The following TAX1BP1 variants were observed in gnomAD, a reference collection of about 807,000 sequenced individuals.
TAX1BP1 encodes the protein Tax1 binding protein 1.
In TAX1BP1, 62 loss-of-function variants were observed where a neutral mutation model predicts 97.7. The observed-to-expected ratio is 0.63, with a 90% CI of 0.52 to 0.78. The LOEUF (loss-of-function observed/expected upper bound fraction) is 0.78. Among genes scored for constraint, TAX1BP1 ranks in the 30% least tolerant of loss-of-function variants. The pLI, the probability that TAX1BP1 is intolerant of heterozygous loss-of-function variation, is 0.00. For synonymous variants in TAX1BP1, 340 were observed against 304.2 expected (o/e 1.12, Z -1.23); for missense variants, 867 against 916.1 (o/e 0.95, Z 0.69).
intron 9 of TAX1BP1, 27 bp from the exon 10 acceptor site, chr7:27,793,039 T>C (rs1372628242): frequency 6.4e-7 from 1 of 1,568,086 alleles, no homozygotes. Context: ...TTTTTATTTT[T>C]TTCTTCAAAT....
chr7:27,787,686 C>A, intron 8 of TAX1BP1, 83 bp downstream of exon 8: 1 of 1,270,028 alleles, frequency 7.9e-7, no homozygotes, highest in East Asian at 2.6e-5. Context: ...TTTTAATTCC[C>A]CCAAGCTTTT....
In TAX1BP1 at chr7:27,816,025, C is replaced by CA. The variant is rs537307118; in HGVS notation, c.1765-315dup. Among the ~76,000 whole-genome samples, 60 of 149,798 alleles carry CA rather than the reference C, an allele frequency of 4.0e-4. No individual in the cohort carries two copies. The South Asian group carries it at 5.1e-3, about 13-fold the overall frequency. ...CCCCAGCCTGGGTGAAGCTCTGTCT[C>CA]AAAAAAAAAGACTTTTTATTCATAC... On this transcript the variant is annotated intron_variant, in intron 13 of 16. Transcript: ENST00000396319.
At chr7:27,778,985 C>T (rs923492607) in intron 5 of TAX1BP1, among the ~76,000 whole-genome samples, 1 of 152,030 alleles carries the variant, frequency 6.6e-6, no homozygotes, top group Non-Finnish European at 1.5e-5. Flanking sequence ...AGTCCATTAA[C>T]AGTCACTCCT....
intron 2 of TAX1BP1, among the ~76,000 whole-genome samples, chr7:27,753,023 G>C (rs1450422467): frequency 6.6e-6 from 1 of 151,616 alleles, no homozygotes; most frequent in African/African-American, 2.4e-5. Context: ...ATGCAGGCTG[G>C]GCACAGTGGC....
At position 27,785,154 on chromosome 7, in the gene TAX1BP1, A is replaced by C; in HGVS notation, c.613-9A>C. ...TGTTTTCTCAAAATACCTTGTTGTC[A>C]CTTCTCAGGGTCTTACTGAAGTAAC... On this transcript the variant is annotated splice_polypyrimidine_tract_variant and intron_variant, in intron 5 of 16. Transcript: ENST00000396319. 6.3e-7 allele frequency: 1 copy of C among 1,588,636 alleles called. No homozygotes were observed. Among genetic ancestry groups the C allele is most frequent in the Non-Finnish European group, 8.5e-7 (1 of 1,172,394 alleles).
intron 5 of TAX1BP1, among the ~76,000 whole-genome samples, chr7:27,774,732 C>A (rs1312518232): frequency 1.3e-5 from 2 of 151,990 alleles, no homozygotes; most frequent in Non-Finnish European, 2.9e-5. Flanking sequence ...TAGTGTTTTT[C>A]TGTGGCCTTC....
At chr7:27,778,575 A>G (rs1361713246) in intron 5 of TAX1BP1, among the ~76,000 whole-genome samples, 1 of 152,114 alleles carries the variant, frequency 6.6e-6, no homozygotes, top group Non-Finnish European at 1.5e-5. Flanking sequence ...TAAAAAACTT[A>G]TACAATTGGC....
At chr7:27,763,831 A>G (rs1788523750) in intron 3 of TAX1BP1, among the ~76,000 whole-genome samples, 1 of 152,034 alleles carries the variant, frequency 6.6e-6, no homozygotes, top group Non-Finnish European at 1.5e-5. Flanking sequence ...TCTTGATGCC[A>G]GAGCTGATTA....
chr7:27,790,126 C>T (rs1015718127), intron 8 of TAX1BP1, among the ~76,000 whole-genome samples: 12 of 151,822 alleles, frequency 7.9e-5, no homozygotes, highest in African/African-American at 1.2e-4. Flanking sequence ...TATGAATATA[C>T]GTATATTTAT....
chr7:27,804,596 C>T (rs867295573), intron 13 of TAX1BP1, among the ~76,000 whole-genome samples: 4 of 152,214 alleles, frequency 2.6e-5, no homozygotes, highest in Non-Finnish European at 5.9e-5. Context: ...TGATAGCAGT[C>T]ATTTTCTCAC....
chr7:27,777,085 T>G (rs1472092900), intron 5 of TAX1BP1, among the ~76,000 whole-genome samples: 1 of 152,190 alleles, frequency 6.6e-6, no homozygotes, highest in African/African-American at 2.4e-5. Context: ...TGTTTAAATG[T>G]CCGTTCATTA....
chr7:27,789,645 C>A (rs1278151294), intron 8 of TAX1BP1, among the ~76,000 whole-genome samples: 1 of 151,774 alleles, frequency 6.6e-6, no homozygotes, highest in Non-Finnish European at 1.5e-5. Flanking sequence ...AGATCTTCCT[C>A]ATTTGAAAAA....
chr7:27,812,020 TGGAATTGCG>T (rs1478246700), intron 13 of TAX1BP1, among the ~76,000 whole-genome samples: 2 of 152,108 alleles, frequency 1.3e-5, no homozygotes, highest in Non-Finnish European at 2.9e-5. Context: ...TACCTAGGAG[TGGAATTGCG>T]GGCTTATATG....
At chr7:27,769,617 T>G in intron 4 of TAX1BP1, 59 bp from the exon 5 acceptor site, 10 of 1,378,258 alleles carry the variant, frequency 7.3e-6, no homozygotes, top group Non-Finnish European at 8.9e-6. Flanking sequence ...ACTAAATTTG[T>G]AATAACATAT....
At chr7:27,795,735 G>A (rs145030809) in intron 11 of TAX1BP1, among the ~76,000 whole-genome samples, 11 of 152,128 alleles carry the variant, frequency 7.2e-5, no homozygotes, top group South Asian at 4.1e-4. Flanking sequence ...TGTATTTTTA[G>A]TAGAGACAGG....
chr7:27,820,260 A>G (rs753210829), intron 15 of TAX1BP1, among the ~76,000 whole-genome samples: 1 of 152,102 alleles, frequency 6.6e-6, no homozygotes, highest in Admixed American at 6.5e-5. Flanking sequence ...CATTCTATTA[A>G]TATGTGGCTT....
At chr7:27,755,218 A>AG (rs1788168523) in intron 2 of TAX1BP1, among the ~76,000 whole-genome samples, 2 of 152,236 alleles carry the variant, frequency 1.3e-5, no homozygotes, top group African/African-American at 4.8e-5. Flanking sequence ...TTTCTGGATT[A>AG]GAAAAATTCA....
At chr7:27,807,563 G>A (rs1790388422) in intron 13 of TAX1BP1, among the ~76,000 whole-genome samples, 1 of 152,064 alleles carries the variant, frequency 6.6e-6, no homozygotes. Flanking sequence ...GAATACTATA[G>A]AATTTAAATA....
intron 15 of TAX1BP1, among the ~76,000 whole-genome samples, chr7:27,818,149 T>C (rs929914851): frequency 2.0e-5 from 3 of 152,192 alleles, no homozygotes; most frequent in Non-Finnish European, 4.4e-5. Flanking sequence ...AGCCCTTCTC[T>C]TCCGTAGTCA....
Sources: allele counts gnomAD v4.1 joint callset (sites outside exome capture counted in the v4.1 genomes callset), GRCh38; gene constraint gnomAD v4.1.1; transcripts MANE v1.5; gene names NCBI Gene and HGNC (gene_info 2026-07-23, HGNC 2026-07-21).